The following CCDC141 variants were observed in gnomAD, a reference collection of about 807,000 sequenced individuals.
CCDC141 encodes the protein coiled-coil domain containing 141, also known as coiled-coil domain-containing protein 141.
In CCDC141, 168 loss-of-function variants were observed where a neutral mutation model predicts 181.0. That is an observed-to-expected ratio of 0.93 (90% CI 0.82 to 1.05). The LOEUF is 1.05. CCDC141 is among the 50% of genes least tolerant of loss of function. CCDC141 has a pLI of 0.00. For missense variants in CCDC141, 1,902 were observed against 1,788.5 expected (o/e 1.06, Z -1.14); for synonymous variants, 666 against 642.3 (o/e 1.04, Z -0.56).
At chr2:178,851,019 A>C (rs1401262816) in intron 20 of CCDC141, among the ~76,000 whole-genome samples, 1 of 152,160 alleles carries the variant, frequency 6.6e-6, no homozygotes, top group East Asian at 1.9e-4. Flanking sequence ...CAGCCTGACC[A>C]ACATAGTGAA....
Position 178,832,482 on chromosome 2 carries a change from A to C in CCDC141, c.*1691T>G, listed in dbSNP as rs1004042171. ...CTCTTTCTCAAAAAAAAAAAAAAAAAACAAAAAAAACAAAAAAAAGATAGT... is the reference window on the plus strand; with the variant it reads ...CTCTTTCTCAAAAAAAAAAAAAAAACACAAAAAAAACAAAAAAAAGATAGT... On this transcript the variant is annotated 3_prime_UTR_variant, in exon 24 of 24. Coordinates refer to ENST00000443758, the MANE Select transcript of CCDC141 (RefSeq NM_173648.4). 1.3e-4 allele frequency: 17 copies of C among 134,102 alleles called. No homozygotes were observed. The highest frequency in any genetic ancestry group is 6.6e-4 in the East Asian group (3 of 4,522). The allele number at this position is 134,102 out of a possible 1,614,324, so 8.3% of individuals were successfully genotyped here. A position where few individuals can be genotyped will look rare whatever the true frequency, so the allele number is the denominator to read the frequency against.
chr2:178,902,088 G>A (rs1220086503), intron 8 of CCDC141, among the ~76,000 whole-genome samples: 3 of 152,178 alleles, frequency 2.0e-5, no homozygotes, highest in South Asian at 2.1e-4. Flanking sequence ...ACAAACCACT[G>A]CTCAATGAAA....
At chr2:179,017,732 C>A (rs554594878) in intron 2 of CCDC141, among the ~76,000 whole-genome samples, 13 of 152,026 alleles carry the variant, frequency 8.6e-5, no homozygotes, top group Non-Finnish European at 1.9e-4. Flanking sequence ...AAATAAAGCC[C>A]TTAGATAAAC....
At chr2:178,852,929 C>T (rs1473801026) in intron 20 of CCDC141, among the ~76,000 whole-genome samples, 1 of 152,146 alleles carries the variant, frequency 6.6e-6, no homozygotes, top group Non-Finnish European at 1.5e-5. Context: ...TTGAGTTCTC[C>T]CATTTATTCC....
In CCDC141 at chr2:178,906,092, CAA is replaced by C. The variant is rs201593889; in HGVS notation, c.1093-593_1093-592del. 7.8e-3 allele frequency among the ~76,000 whole-genome samples: 1,193 copies of C among 152,244 alleles called. 11 individuals carry two copies. Among genetic ancestry groups the C allele is most frequent in the African/African-American group, 0.027 (1,114 of 41,532 alleles). On this transcript the variant is annotated intron_variant, in intron 7 of 23. Transcript: ENST00000443758. ...ATTAGAATTTTGTTCTGAAGCCATGCAAAGAGTAAGACCAAGGTAATATTTAG... is the reference window on the plus strand; with the variant it reads ...ATTAGAATTTTGTTCTGAAGCCATGCAGAGTAAGACCAAGGTAATATTTAG...
intron 8 of CCDC141, among the ~76,000 whole-genome samples, chr2:178,891,288 A>G (rs1218540130): frequency 6.6e-6 from 1 of 152,070 alleles, no homozygotes; most frequent in Non-Finnish European, 1.5e-5. Context: ...CTTCATAACA[A>G]CCCTGTGAGC....
intron 17 of CCDC141, among the ~76,000 whole-genome samples, chr2:178,861,212 G>T (rs1685601565): frequency 6.6e-6 from 1 of 151,806 alleles, no homozygotes; most frequent in African/African-American, 2.4e-5. Context: ...TCTTGTCCAG[G>T]CTAGAGTGCA....
chr2:178,958,710 CCCTT>C (rs1333753122), intron 5 of CCDC141, among the ~76,000 whole-genome samples: 1 of 10,664 alleles, frequency 9.4e-5, no homozygotes, highest in African/African-American at 1.1e-4. Flanking sequence ...TGATTTTTTC[CCCTT>C]TTTTTTGTTT....
chr2:178,824,152 T>C, the CCDC141 span, among the ~76,000 whole-genome samples: 1 of 152,130 alleles, frequency 6.6e-6, no homozygotes, highest in Non-Finnish European at 1.5e-5. Context: ...CCTTATGGCA[T>C]GTAACACACT....
chr2:179,024,505 A>C (rs529887919), intron 2 of CCDC141, among the ~76,000 whole-genome samples: 1 of 152,346 alleles, frequency 6.6e-6, no homozygotes, highest in East Asian at 1.9e-4. Context: ...ACAAAGATGA[A>C]AATGAAACAC....
chr2:178,866,202 T>C (rs1482664951), intron 16 of CCDC141, among the ~76,000 whole-genome samples: 2 of 152,192 alleles, frequency 1.3e-5, no homozygotes, highest in African/African-American at 4.8e-5. Flanking sequence ...TAATTTTTAC[T>C]TCAAAAGGCA....
At chr2:178,940,881 A>G (rs1046094177) in intron 6 of CCDC141, among the ~76,000 whole-genome samples, 12 of 152,212 alleles carry the variant, frequency 7.9e-5, no homozygotes, top group Non-Finnish European at 1.3e-4. Context: ...CTTGCTTTCA[A>G]TATAACAAGC....
intron 4 of CCDC141, among the ~76,000 whole-genome samples, chr2:178,962,465 A>G (rs1388482607): frequency 1.3e-5 from 2 of 152,178 alleles, no homozygotes; most frequent in African/African-American, 4.8e-5. Flanking sequence ...TCACCATGGA[A>G]AGCATCATTT....
At chr2:178,962,837 T>A (rs990275178) in intron 4 of CCDC141, among the ~76,000 whole-genome samples, 2 of 152,112 alleles carry the variant, frequency 1.3e-5, no homozygotes, top group Admixed American at 1.3e-4. Context: ...CTTATCTTCT[T>A]TAAATTCCTC....
intron 10 of CCDC141, among the ~76,000 whole-genome samples, chr2:178,885,550 A>G (rs1686842073): frequency 6.6e-6 from 1 of 152,194 alleles, no homozygotes; most frequent in African/African-American, 2.4e-5. Context: ...GTGCAGTCTT[A>G]TTTAAATCTC....
At chr2:178,925,030 A>C (rs1558984985) in intron 6 of CCDC141, among the ~76,000 whole-genome samples, 1 of 152,186 alleles carries the variant, frequency 6.6e-6, no homozygotes, top group African/African-American at 2.4e-5. Flanking sequence ...CTAGTGACTC[A>C]TCTGTTAATT....
chr2:179,025,920 T>C lies in CCDC141; in HGVS notation c.225+21364A>G, dbSNP rs141398679. ...GGTATTTTGTCCCTGCCCTAGAGAT[T>C]TGTGGAACTTTGAACTTAAGAGAGA... On this transcript the variant is annotated intron_variant, in intron 2 of 23. Coordinates refer to ENST00000443758, the MANE Select transcript of CCDC141 (RefSeq NM_173648.4). Among the ~76,000 whole-genome samples, 71 of 152,276 alleles carry C rather than the reference T, an allele frequency of 4.7e-4. 2 individuals carry two copies. The East Asian group carries it at 0.012, about 25-fold the overall frequency.
At chr2:179,027,414 G>C (rs2042877745) in intron 2 of CCDC141, among the ~76,000 whole-genome samples, 1 of 152,010 alleles carries the variant, frequency 6.6e-6, no homozygotes, top group Admixed American at 6.5e-5. Context: ...GGAGGCTGAG[G>C]CGGGCGGATC....
chr2:178,984,207 G>A (rs573666417), intron 2 of CCDC141, among the ~76,000 whole-genome samples: 1 of 150,502 alleles, frequency 6.6e-6, no homozygotes, highest in African/African-American at 2.4e-5. Flanking sequence ...TTCATATCCA[G>A]CCAAACTAAG....
Sources: allele counts gnomAD v4.1 joint callset (sites outside exome capture counted in the v4.1 genomes callset), GRCh38; gene constraint gnomAD v4.1.1; transcripts MANE v1.5; gene names NCBI Gene and HGNC (gene_info 2026-07-23, HGNC 2026-07-21).